Variants in C9orf85 observed in about 807,000 individuals in gnomAD.
The protein encoded by C9orf85 is uncharacterized protein C9orf85.
C9orf85 carries 16 observed loss-of-function variants against 14.9 expected under a neutral mutation model. The ratio of observed to expected loss-of-function variants is 1.08; its 90% confidence interval spans 0.73 to 1.63. The LOEUF is 1.63. Ranked by LOEUF, C9orf85 falls within the 40% of genes most tolerant of loss-of-function variation. The probability of loss-of-function intolerance (pLI) is 0.00; values close to 1 mark genes in which losing one functional copy is unlikely to be tolerated. For synonymous variants in C9orf85, 45 were observed against 56.8 expected, an observed-to-expected ratio of 0.79 and a Z score of 0.93; for missense variants, 172 against 186.1, an observed-to-expected ratio of 0.92 and a Z score of 0.44.
At chr9:71,947,141 T>C in intron 2 of C9orf85, 29 bp downstream of exon 2, 1 of 1,362,462 alleles carries the variant, frequency 7.3e-7, no homozygotes, top group Middle Eastern at 1.8e-4. Context: ...TTACCTTACT[T>C]GGTGGTATAT....
In C9orf85 at chr9:71,932,782, C is replaced by G. The variant is rs118108064; in HGVS notation, c.103-14224C>G. On this transcript the variant is annotated intron_variant, in intron 1 of 3. Transcript: ENST00000334731. Reference sequence around the variant, plus strand: ...AAGGAAAAAAGTAAATCAACAGAAACTGCCTCTGAAAAAGAAGTGATGGTG... The same window carrying G: ...AAGGAAAAAAGTAAATCAACAGAAAGTGCCTCTGAAAAAGAAGTGATGGTG... Among the ~76,000 whole-genome samples the G allele has an allele frequency of 2.7e-3, 414 of 152,086 alleles. 2 individuals are homozygous for G. The highest frequency in any genetic ancestry group is 0.01 in the Middle Eastern group (3 of 294).
At chr9:71,975,097 A>G (rs1220524583), downstream of C9orf85, among the ~76,000 whole-genome samples, 2 of 152,234 alleles carry the variant, frequency 1.3e-5, no homozygotes, top group Non-Finnish European at 2.9e-5. Flanking sequence ...ACCTGGGAAT[A>G]CATCAAAAAG....
intron 1 of C9orf85, among the ~76,000 whole-genome samples, chr9:71,922,588 AGCTCCTCGGAAATACAT>A (rs1333395326): frequency 2.6e-5 from 4 of 152,118 alleles, no homozygotes; most frequent in Non-Finnish European, 4.4e-5. Context: ...CAAAAACTGT[AGCTCCTCGGAAATACAT>A]GCTGTCAGAC....
chr9:71,975,482 T>C (rs939137634), downstream of C9orf85, among the ~76,000 whole-genome samples: 4 of 145,900 alleles, frequency 2.7e-5, no homozygotes, highest in African/African-American at 1.0e-4. Flanking sequence ...TGAATAGAAA[T>C]ACTATCTTCA....
intron 2 of C9orf85, among the ~76,000 whole-genome samples, chr9:71,966,634 G>C (rs985776305): frequency 6.6e-6 from 1 of 152,038 alleles, no homozygotes; most frequent in African/African-American, 2.4e-5. Flanking sequence ...TAAAAAAAAC[G>C]CAAAGGCAAG....
At chr9:71,961,164 G>A (rs946254302) in intron 2 of C9orf85, among the ~76,000 whole-genome samples, 1 of 151,772 alleles carries the variant, frequency 6.6e-6, no homozygotes, top group Non-Finnish European at 1.5e-5. Context: ...CGCCCACCTC[G>A]GTCTCCCAGA....
rs376325413 is a variant in C9orf85, at chr9:71,915,208, G to A, written c.102+3372G>A. 7.6e-4 allele frequency among the ~76,000 whole-genome samples: 113 copies of A among 147,906 alleles called. 1 individual carries two copies. The highest frequency in any genetic ancestry group is 2.7e-3 in the African/African-American group (109 of 39,868). On this transcript the variant is annotated intron_variant, in intron 1 of 3. Transcript: ENST00000334731. ...ATTTTTTTTTTTTTTTTGAGACAGAGTCTCGCTCTCTCGCCCAGGCTGGAG... is the reference window on the plus strand; with the variant it reads ...ATTTTTTTTTTTTTTTTGAGACAGAATCTCGCTCTCTCGCCCAGGCTGGAG...
In C9orf85 at chr9:71,962,677, G is replaced by A. The variant is rs369239544; in HGVS notation, c.210-8828G>A. On this transcript the variant is annotated intron_variant, in intron 2 of 3. Coordinates refer to ENST00000334731, the MANE Select transcript of C9orf85 (RefSeq NM_182505.5). Reference sequence around the variant, plus strand: ...ATCTATTTTATGTCAGTCCCAAAGGGAAACCCTAAGAAGATAGAGGAGAAA... The same window carrying A: ...ATCTATTTTATGTCAGTCCCAAAGGAAAACCCTAAGAAGATAGAGGAGAAA... Among the ~76,000 whole-genome samples the A allele has an allele frequency of 3.9e-4, 60 of 152,312 alleles. 2 individuals are homozygous for A. The highest frequency in any genetic ancestry group is 1.4e-3 in the African/African-American group (57 of 41,572).
intron 2 of C9orf85, among the ~76,000 whole-genome samples, chr9:71,947,356 C>T (rs1187513837): frequency 6.6e-6 from 1 of 152,080 alleles, no homozygotes; most frequent in African/African-American, 2.4e-5. Context: ...TTTTATAGAA[C>T]TTTATTCATG....
intron 1 of C9orf85, among the ~76,000 whole-genome samples, chr9:71,932,050 CATTCTTAA>C (rs1426024460): frequency 6.6e-6 from 1 of 152,110 alleles, no homozygotes; most frequent in Non-Finnish European, 1.5e-5. Context: ...CAGGAATGAT[CATTCTTAA>C]CAAGACTCAT....
chr9:71,928,170 G>T lies in C9orf85; in HGVS notation c.102+16334G>T, dbSNP rs928621174. ...CCACTGTACTCCAGCCTGGGCAACA[G>T]AATGAGGCTCTGTCTCAAAAAAAAA... On this transcript the variant is annotated intron_variant, in intron 1 of 3. Transcript: ENST00000334731. Among the ~76,000 whole-genome samples the T allele has an allele frequency of 7.3e-5, 10 of 136,934 alleles. No individual in the cohort carries two copies. In the East Asian group the frequency reaches 1.3e-3, roughly 17 times the overall value. 89.8% of individuals were successfully genotyped at this position (136,934 alleles called of 152,430 possible).
downstream of C9orf85, chr9:71,984,250 T>C (rs1397203238): frequency 1.3e-5 from 2 of 152,236 alleles, no homozygotes; most frequent in Non-Finnish European, 2.9e-5. Context: ...TCTTTGCATA[T>C]GTCCTTATTC....
At chr9:71,941,610 A>G (rs1456557780) in intron 1 of C9orf85, among the ~76,000 whole-genome samples, 2 of 152,238 alleles carry the variant, frequency 1.3e-5, no homozygotes, top group Non-Finnish European at 2.9e-5. Flanking sequence ...GTTACTTTCA[A>G]AAAATATTCA....
chr9:71,918,794 G>T lies in C9orf85; in HGVS notation c.102+6958G>T, dbSNP rs555625828. Among the ~76,000 whole-genome samples, 12 of 152,152 alleles carry T rather than the reference G, an allele frequency of 7.9e-5. 1 individual carries two copies. The South Asian group carries it at 2.5e-3, about 32-fold the overall frequency. On this transcript the variant is annotated intron_variant, in intron 1 of 3. Coordinates refer to ENST00000334731, the MANE Select transcript of C9orf85 (RefSeq NM_182505.5). ...GGGACCGTCTAGTTGCAGGAAAAAA[G>T]CTAGGGCTCCCAATGATTCTACATT...
intron 1 of C9orf85, among the ~76,000 whole-genome samples, chr9:71,913,770 T>C (rs1026974464): frequency 2.6e-5 from 4 of 152,240 alleles, no homozygotes; most frequent in Non-Finnish European, 5.9e-5. Flanking sequence ...CTCCTACTTG[T>C]ACTTTTCATT....
intron 2 of C9orf85, among the ~76,000 whole-genome samples, chr9:71,948,983 T>G (rs553229541): frequency 1.3e-5 from 2 of 152,356 alleles, no homozygotes; most frequent in East Asian, 3.9e-4. Flanking sequence ...CATTACCCAA[T>G]TTTAGATTTC....
chr9:71,975,508 A>G (rs1004889120), downstream of C9orf85, among the ~76,000 whole-genome samples: 3 of 151,610 alleles, frequency 2.0e-5, no homozygotes, highest in Non-Finnish European at 4.4e-5. Context: ...TGAAAGTCTC[A>G]GTATTCTAAA....
chr9:71,964,501 C>T (rs1822630892), intron 2 of C9orf85, among the ~76,000 whole-genome samples: 1 of 152,126 alleles, frequency 6.6e-6, no homozygotes, highest in Non-Finnish European at 1.5e-5. Context: ...GAGCAATAAA[C>T]AACTCCAGAC....
chr9:71,925,390 C>G (rs959149591), intron 1 of C9orf85, among the ~76,000 whole-genome samples: 1 of 152,148 alleles, frequency 6.6e-6, no homozygotes, highest in African/African-American at 2.4e-5. Flanking sequence ...CATGTTGGTA[C>G]ACGCCTATAA....
Sources: gnomAD v4.1 joint callset for allele counts (sites outside exome capture counted in the v4.1 genomes callset) on GRCh38, gnomAD v4.1.1 for gene constraint, MANE v1.5 for transcripts, NCBI Gene and HGNC (gene_info 2026-07-23, HGNC 2026-07-21) for gene names.